Variants in ALPK2 observed in about 807,000 individuals in gnomAD.
ALPK2 encodes alpha kinase 2.
In ALPK2, 127 loss-of-function variants were observed where a neutral mutation model predicts 163.1. The observed-to-expected ratio is 0.78, with a 90% CI of 0.67 to 0.90. The LOEUF is 0.90. Among genes scored for constraint, ALPK2 ranks in the 40% least tolerant of loss-of-function variants. The probability of loss-of-function intolerance (pLI) is 0.00; values close to 1 mark genes in which losing one functional copy is unlikely to be tolerated. For synonymous variants in ALPK2, 953 were observed against 959.1 expected, an observed-to-expected ratio of 0.99 and a Z score of 0.12; for missense variants, 2,360 against 2,589.6, an observed-to-expected ratio of 0.91 and a Z score of 1.92.
intron 4 of ALPK2, among the ~76,000 whole-genome samples, chr18:58,539,810 T>C (rs1424998032): frequency 6.6e-6 from 1 of 152,236 alleles, no homozygotes; most frequent in Non-Finnish European, 1.5e-5. Flanking sequence ...AATCCCTGTA[T>C]GTACTGCCCG....
At chr18:58,570,668 G>GTC (rs558049217) in intron 4 of ALPK2, among the ~76,000 whole-genome samples, 2 of 152,156 alleles carry the variant, frequency 1.3e-5, no homozygotes, top group African/African-American at 4.8e-5. Context: ...CTGTCTCTAG[G>GTC]TCTCTCTCTC....
chr18:58,580,633 G>T, intron 3 of ALPK2, 85 bp from the exon 4 acceptor site: 1 of 1,248,750 alleles, frequency 8.0e-7, no homozygotes. Context: ...CAGAGAAAAT[G>T]ACCATCATTT....
rs148605237 is a variant in ALPK2, at chr18:58,519,629, C to T, written c.5666-2447G>A. ...CTGTCTATAATTTCCAACAGAAATGCTTATTTGACAAAGATAAAAACATGA... is the reference window on the plus strand; with the variant it reads ...CTGTCTATAATTTCCAACAGAAATGTTTATTTGACAAAGATAAAAACATGA... On this transcript the variant is annotated intron_variant, in intron 8 of 12. Transcript: ENST00000361673. Among the ~76,000 whole-genome samples the T allele has an allele frequency of 7.7e-3, 1,171 of 152,092 alleles. 13 individuals are homozygous for T. The highest frequency in any genetic ancestry group is 0.026 in the African/African-American group (1,080 of 41,480).
chr18:58,583,156 C>G (rs2051967994), intron 3 of ALPK2, among the ~76,000 whole-genome samples: 1 of 152,114 alleles, frequency 6.6e-6, no homozygotes, highest in African/African-American at 2.4e-5. Context: ...TTTTTAGAGT[C>G]AAATACTCTG....
intron 10 of ALPK2, among the ~76,000 whole-genome samples, chr18:58,511,239 CT>C (rs1416921262): frequency 6.6e-6 from 1 of 152,158 alleles, no homozygotes; most frequent in Non-Finnish European, 1.5e-5. Flanking sequence ...ATGAAGCCCA[CT>C]TGATCATGGT....
At chr18:58,569,826 T>G (rs907429487) in intron 4 of ALPK2, among the ~76,000 whole-genome samples, 4 of 152,000 alleles carry the variant, frequency 2.6e-5, no homozygotes, top group African/African-American at 9.7e-5. Flanking sequence ...AAGAGATGAG[T>G]GACTAGAAAC....
At chr18:58,615,110 G>A (rs762789989) in intron 1 of ALPK2, among the ~76,000 whole-genome samples, 6 of 152,068 alleles carry the variant, frequency 3.9e-5, no homozygotes, top group South Asian at 2.1e-4. Flanking sequence ...CACAGAGCCC[G>A]GCCTATTCTG....
At chr18:58,581,996 A>AT (rs775460719) in intron 3 of ALPK2, among the ~76,000 whole-genome samples, 2 of 152,164 alleles carry the variant, frequency 1.3e-5, no homozygotes, top group Non-Finnish European at 2.9e-5. Context: ...CCCAGCTCAC[A>AT]TATGTCTCAT....
chr18:58,540,269 G>A (rs891322865), intron 4 of ALPK2, among the ~76,000 whole-genome samples: 3 of 152,240 alleles, frequency 2.0e-5, no homozygotes, highest in African/African-American at 7.2e-5. Flanking sequence ...ACACTTGAAA[G>A]GGTTTGAACT....
intron 12 of ALPK2, among the ~76,000 whole-genome samples, chr18:58,494,025 C>T (rs11662764): frequency 0.22 from 32,949 of 152,080 alleles, 4,061 homozygotes; most frequent in South Asian, 0.4. Context: ...GGGAACTCCC[C>T]GACTGGCTGG....
At chr18:58,606,358 G>A in intron 3 of ALPK2, among the ~76,000 whole-genome samples, 1 of 152,200 alleles carries the variant, frequency 6.6e-6, no homozygotes, top group East Asian at 1.9e-4. Context: ...GAGATTGCAG[G>A]CATGAGCCAC....
chr18:58,586,330 G>T (rs988295333), intron 3 of ALPK2, among the ~76,000 whole-genome samples: 5 of 152,170 alleles, frequency 3.3e-5, no homozygotes, highest in Non-Finnish European at 7.3e-5. Context: ...TCAGAGGAAG[G>T]ATCCCTGAAA....
chr18:58,602,879 C>G (rs780324910), intron 3 of ALPK2, among the ~76,000 whole-genome samples: 2 of 152,180 alleles, frequency 1.3e-5, no homozygotes, highest in Non-Finnish European at 2.9e-5. Flanking sequence ...GTCCACATGG[C>G]TCATATGCTA....
intron 4 of ALPK2, among the ~76,000 whole-genome samples, chr18:58,548,858 G>T (rs530754176): frequency 5.3e-5 from 8 of 152,218 alleles, no homozygotes; most frequent in Admixed American, 3.3e-4. Context: ...CATCTATCCA[G>T]TCTGATCTTT....
At chr18:58,511,208 A>G (rs1021816914) in intron 10 of ALPK2, among the ~76,000 whole-genome samples, 3 of 152,172 alleles carry the variant, frequency 2.0e-5, no homozygotes, top group Non-Finnish European at 4.4e-5. Flanking sequence ...GCATATGTTG[A>G]ACCAGCCTTG....
intron 6 of ALPK2, among the ~76,000 whole-genome samples, chr18:58,524,585 C>T (rs534751099): frequency 4.6e-5 from 7 of 152,250 alleles, no homozygotes; most frequent in South Asian, 2.1e-4. Flanking sequence ...TATTAAGTTC[C>T]GGTCACTGTG....
chr18:58,532,085 C>G (rs1453876988), intron 5 of ALPK2, among the ~76,000 whole-genome samples: 1 of 151,864 alleles, frequency 6.6e-6, no homozygotes, highest in Non-Finnish European at 1.5e-5. Context: ...TTAGTGCCCA[C>G]AGTGGATTCA....
At chr18:58,551,763 T>C (rs2051761437) in intron 4 of ALPK2, among the ~76,000 whole-genome samples, 1 of 152,254 alleles carries the variant, frequency 6.6e-6, no homozygotes, top group South Asian at 2.1e-4. Context: ...TGCCTACTTC[T>C]GTGCTAAGCA....
intron 8 of ALPK2, among the ~76,000 whole-genome samples, chr18:58,522,768 T>TC (rs2051561688): frequency 6.6e-6 from 1 of 151,664 alleles, no homozygotes; most frequent in African/African-American, 2.4e-5. Flanking sequence ...AAATCCAAAC[T>TC]CCCCCTCTAC....
Sources: gnomAD v4.1 joint callset for allele counts (sites outside exome capture counted in the v4.1 genomes callset) on GRCh38, gnomAD v4.1.1 for gene constraint, MANE v1.5 for transcripts, NCBI Gene and HGNC (gene_info 2026-07-23, HGNC 2026-07-21) for gene names.